MCF2: variants seen among roughly 807,000 people sequenced by gnomAD.
The protein encoded by MCF2 is MCF.2 cell line derived transforming sequence.
MCF2 carries 44 observed loss-of-function variants against 82.5 expected under a neutral mutation model. The ratio of observed to expected loss-of-function variants is 0.53; its 90% CI spans 0.42 to 0.69. The LOEUF (loss-of-function observed/expected upper bound fraction) is 0.69. Ranked by LOEUF, MCF2 falls within the 30% of genes least tolerant of loss-of-function variation. The pLI, the probability that MCF2 is intolerant of heterozygous loss-of-function variation, is 0.00. For synonymous variants in MCF2, 217 were observed against 224.9 expected (o/e 0.96, Z 0.32); for missense variants, 623 against 663.1 (o/e 0.94, Z 0.66).
At chrX:139,670,010 A>G (rs905744271) in intron 1 of MCF2, among the ~76,000 whole-genome samples, 6 of 111,971 alleles carry the variant, frequency 5.4e-5, no homozygotes, top group African/African-American at 1.9e-4. Flanking sequence ...TATGCTAAAA[A>G]CATTTAATTT....
intron 2 of MCF2, among the ~76,000 whole-genome samples, chrX:139,650,199 T>A (rs926226849): frequency 9.0e-6 from 1 of 110,813 alleles, no homozygotes; most frequent in Non-Finnish European, 1.9e-5. Context: ...TACAAAAATA[T>A]AAAAATTAGC....
chrX:139,620,679 G>C (rs1158131362), intron 6 of MCF2, among the ~76,000 whole-genome samples: 1 of 110,998 alleles, frequency 9.0e-6, no homozygotes, highest in Non-Finnish European at 1.9e-5. Context: ...ATCTCTATAA[G>C]GAGACCTACA....
At chrX:139,642,896 A>G (rs1395456890) in exon 1 of MCF2, 2 of 796,849 alleles carry the variant, frequency 2.5e-6, no homozygotes, top group Non-Finnish European at 3.1e-6. Context: ...AGCAGGCTTG[A>G]TGGGACTGGC....
chrX:139,694,948 T>C (rs1189615109), intron 1 of MCF2, among the ~76,000 whole-genome samples: 1 of 109,175 alleles, frequency 9.2e-6, no homozygotes, highest in Non-Finnish European at 1.9e-5. Flanking sequence ...AATATTCTGC[T>C]TGTGATATTG....
chrX:139,670,971 T>C lies in MCF2; in HGVS notation c.-44-19183A>G, dbSNP rs186829094. Among the ~76,000 whole-genome samples the C allele has an allele frequency of 9.4e-3, 1,044 of 111,533 alleles. 9 individuals are homozygous for C. Among genetic ancestry groups the C allele is most frequent in the East Asian group, 0.06 (213 of 3,532 alleles). ...CTATTGCTCCACATCCTCTCCAGCA[T>C]CTGTTGTTTCCTGACTTTTTAATGA... is the stretch of plus-strand genomic sequence containing the variant. On this transcript the variant is annotated intron_variant, in intron 1 of 27. Coordinates refer to the MCF2 transcript ENST00000414978.
chrX:139,673,697 C>A (rs1174194981), intron 1 of MCF2, among the ~76,000 whole-genome samples: 2 of 112,012 alleles, frequency 1.8e-5, no homozygotes, highest in Non-Finnish European at 3.8e-5. Flanking sequence ...GTTGTGATTT[C>A]TGTTCTTTTA....
In MCF2 at chrX:139,632,538, G is replaced by T. The variant is rs747077550; in HGVS notation, c.52-84C>A. ...AGCACATATCAGAAAATATGTAACT[G>T]AAGGAAACAAATTTTAAATTCATAA... On this transcript the variant is annotated intron_variant, in intron 1 of 24. Transcript: ENST00000370576. 8 of 772,653 alleles carry T rather than the reference G, an allele frequency of 1.0e-5. No homozygotes were observed. The South Asian group carries it at 2.7e-4, about 26-fold the overall frequency. The allele number at this position is 772,653 out of a possible 1,213,427, so 63.7% of individuals were successfully genotyped here. A position where few individuals can be genotyped will look rare whatever the true frequency, so the allele number is the denominator to read the frequency against.
At chrX:139,659,861 A>G (rs1934309571) in intron 1 of MCF2, among the ~76,000 whole-genome samples, 1 of 112,284 alleles carries the variant, frequency 8.9e-6, no homozygotes, top group Non-Finnish European at 1.9e-5. Context: ...TAGTAAATGA[A>G]CAATCGCTAC....
At chrX:139,669,866 T>C (rs1934630197) in intron 1 of MCF2, among the ~76,000 whole-genome samples, 1 of 111,432 alleles carries the variant, frequency 9.0e-6, no homozygotes, top group Non-Finnish European at 1.9e-5. Context: ...AGATAGAAAA[T>C]AGATTAGAGA....
At chrX:139,692,330 T>G (rs1181550615) in intron 1 of MCF2, among the ~76,000 whole-genome samples, 1 of 111,002 alleles carries the variant, frequency 9.0e-6, no homozygotes, top group African/African-American at 3.3e-5. Context: ...CCGCCAGTCC[T>G]CCGGAGCCCC....
rs559176374 is a variant in MCF2 at position 139,703,479 on chromosome X, G to A, written c.-45+4627C>T. 1.3e-4 allele frequency among the ~76,000 whole-genome samples: 15 copies of A among 112,153 alleles called. 2 individuals are homozygous for A. The South Asian group carries it at 5.3e-3, about 39-fold the overall frequency. On this transcript the variant is annotated intron_variant, in intron 1 of 27. Transcript: ENST00000414978. ...AGGCTGGGCACGGTGGCTCATGCCT[G>A]TAATCCCAGCAATTTGGCAGGCCGA... is the stretch of plus-strand genomic sequence containing the variant.
At chrX:139,691,531 C>T (rs1935262890) in intron 1 of MCF2, among the ~76,000 whole-genome samples, 1 of 110,924 alleles carries the variant, frequency 9.0e-6, no homozygotes, top group Non-Finnish European at 1.9e-5. Flanking sequence ...AGACCTGAAC[C>T]AGCAATGGCA....
chrX:139,605,141 C>A, intron 13 of MCF2, among the ~76,000 whole-genome samples, 157 bp from the exon 18 acceptor site: 1 of 99,072 alleles, frequency 1.0e-5, no homozygotes, highest in African/African-American at 3.8e-5. Context: ...TCCTACTTCC[C>A]AAAGTTATCC....
At chrX:139,641,183 A>AAT (rs1159886213) in intron 1 of MCF2, among the ~76,000 whole-genome samples, 1 of 106,001 alleles carries the variant, frequency 9.4e-6, no homozygotes, top group Non-Finnish European at 1.9e-5. Context: ...TATATATATA[A>AAT]ATATATATAT....
intron 1 of MCF2, among the ~76,000 whole-genome samples, chrX:139,663,154 A>T (rs1934403323): frequency 8.9e-6 from 1 of 112,245 alleles, no homozygotes; most frequent in East Asian, 2.8e-4. Context: ...ATTTGGGTAG[A>T]TACCCAGTAG....
At chrX:139,642,786 A>T (rs754101563) in exon 1 of MCF2, 13 of 1,012,599 alleles carry the variant, frequency 1.3e-5, no homozygotes, top group Non-Finnish European at 1.6e-5. Flanking sequence ...ACTTAGCCTG[A>T]TTGAACCTTG....
chrX:139,677,237 C>T (rs1008352859), intron 1 of MCF2, among the ~76,000 whole-genome samples: 94 of 111,699 alleles, frequency 8.4e-4, no homozygotes, highest in African/African-American at 2.9e-3. Flanking sequence ...AACAGCCCAC[C>T]TCAAGGGAAG....
chrX:139,649,207 C>G (rs1334043867), intron 2 of MCF2, among the ~76,000 whole-genome samples: 1 of 112,109 alleles, frequency 8.9e-6, no homozygotes, highest in Non-Finnish European at 1.9e-5. Context: ...TTTAATCAAA[C>G]TAGTCCAAAG....
Position 139,606,187 on chromosome X carries a change from G to T in MCF2, c.1491-408C>A, listed in dbSNP as rs764784276. On this transcript the variant is annotated intron_variant, in intron 12 of 24. Transcript: ENST00000370576. ...TGTCTGAGGTTTTTATTGTTTGGGGGTAGCATAGTTTATGAACTTTAATAC... is the reference window on the plus strand; with the variant it reads ...TGTCTGAGGTTTTTATTGTTTGGGGTTAGCATAGTTTATGAACTTTAATAC... 2.8e-5 allele frequency among the ~76,000 whole-genome samples: 3 copies of T among 108,544 alleles called. No homozygotes were observed. In the Admixed American group the frequency reaches 3.0e-4, roughly 11 times the overall value. 94.3% of individuals were successfully genotyped at this position (108,544 alleles called of 115,157 possible).
Sources: gnomAD v4.1 joint callset for allele counts (sites outside exome capture counted in the v4.1 genomes callset) on GRCh38, gnomAD v4.1.1 for gene constraint, MANE v1.5 for transcripts, NCBI Gene and HGNC (gene_info 2026-07-23, HGNC 2026-07-21) for gene names.